RANBP2: variants seen among roughly 807,000 people sequenced by gnomAD.
RANBP2 encodes the protein RAN binding protein 2.
RANBP2 carries 57 observed loss-of-function variants against 303.6 expected under a neutral mutation model. That is an observed-to-expected ratio of 0.19 (90% CI 0.15 to 0.23). The LOEUF is 0.23. Ranked by LOEUF, RANBP2 falls within the 10% of genes least tolerant of loss-of-function variation. RANBP2 has a pLI of 1.00. For missense variants in RANBP2, 3,138 were observed against 3,780.8 expected (o/e 0.83, Z 4.46); for synonymous variants, 1,167 against 1,301.5 (o/e 0.90, Z 2.23).
chr2:109,297,784 C>T, the RANBP2 span, among the ~76,000 whole-genome samples: 4 of 152,004 alleles, frequency 2.6e-5, no homozygotes, highest in African/African-American at 7.3e-5. Flanking sequence ...AGTCATTGCC[C>T]CCAACTAGGT....
intron 14 of RANBP2, 127 bp downstream of exon 14, chr2:108,753,690 T>C: frequency 3.1e-5 from 49 of 1,579,752 alleles, no homozygotes; most frequent in Non-Finnish European, 4.2e-5. Context: ...CAACCTCTGC[T>C]TCCCAGGCTC....
At chr2:109,142,937 C>T in the RANBP2 span, among the ~76,000 whole-genome samples, 1,470 of 152,210 alleles carry the variant, frequency 9.7e-3, 22 homozygotes, top group African/African-American at 0.033. Context: ...CTGACAGATA[C>T]AGCACATGGG....
At chr2:109,541,514 T>C in the RANBP2 span, among the ~76,000 whole-genome samples, 2 of 152,186 alleles carry the variant, frequency 1.3e-5, no homozygotes, top group African/African-American at 4.8e-5. Context: ...CACCTAACCT[T>C]GTGAGGCCAA....
chr2:108,790,134 C>A (rs995119945), downstream of RANBP2, among the ~76,000 whole-genome samples: 4 of 151,940 alleles, frequency 2.6e-5, no homozygotes, highest in Non-Finnish European at 5.9e-5. Flanking sequence ...AATAAGTACT[C>A]AAATGTTACC....
the RANBP2 span, among the ~76,000 whole-genome samples, chr2:109,664,237 A>C: frequency 2.6e-5 from 4 of 152,238 alleles, no homozygotes; most frequent in African/African-American, 9.6e-5. Flanking sequence ...AATTCAAACA[A>C]CAATATGAAT....
the RANBP2 span, among the ~76,000 whole-genome samples, chr2:108,909,609 A>T: frequency 6.6e-6 from 1 of 152,186 alleles, no homozygotes; most frequent in African/African-American, 2.4e-5. Context: ...TGTCGGGCAG[A>T]GGCCTGGCAG....
At chr2:109,194,974 G>A in the RANBP2 span, among the ~76,000 whole-genome samples, 2 of 152,226 alleles carry the variant, frequency 1.3e-5, no homozygotes, top group African/African-American at 4.8e-5. Flanking sequence ...CCAACTCCAG[G>A]ATCCTTTTTT....
rs756532502 is a variant in RANBP2, at chr2:108,771,775, G to A, written c.7924G>A (p.Ala2642Thr). 29 of 1,613,826 alleles carry A rather than the reference G, an allele frequency of 1.8e-5. No homozygotes were observed. The highest frequency in any genetic ancestry group is 1.1e-4 in the East Asian group (5 of 44,880). Residue 2642 changes from alanine (A) to threonine (T), a missense_variant, in exon 21 of 29, where the codon GCT becomes ACT. Coordinates refer to ENST00000283195, the MANE Select transcript of RANBP2 (RefSeq NM_006267.5). The part of the protein sequence containing the change: ...VLIVYELTPT[A>T]EQKALATKLK... Reference sequence around the variant, plus strand: ...CATTGTATATGAACTAACTCCAACCGCTGAGCAGAAAGCCCTTGCAACCAA... The same window carrying A: ...CATTGTATATGAACTAACTCCAACCACTGAGCAGAAAGCCCTTGCAACCAA...
At chr2:109,323,264 G>A in the RANBP2 span, among the ~76,000 whole-genome samples, 97 of 152,340 alleles carry the variant, frequency 6.4e-4, no homozygotes, top group Middle Eastern at 3.4e-3. Context: ...GTCATTGGGT[G>A]TATAGCAGGC....
the RANBP2 span, among the ~76,000 whole-genome samples, chr2:109,012,615 AAT>A: frequency 7.4e-6 from 1 of 135,050 alleles, no homozygotes; most frequent in African/African-American, 2.9e-5. Flanking sequence ...TAGAAAAAAA[AAT>A]TTTTAAACTT....
At chr2:108,797,257 C>T in the RANBP2 span, among the ~76,000 whole-genome samples, 1 of 151,992 alleles carries the variant, frequency 6.6e-6, no homozygotes, top group Non-Finnish European at 1.5e-5. Flanking sequence ...TATAAAGGAG[C>T]CTGAGAAGCC....
chr2:108,729,438 A>G (rs1226161661), intron 2 of RANBP2, among the ~76,000 whole-genome samples: 1 of 152,230 alleles, frequency 6.6e-6, no homozygotes, highest in Admixed American at 6.5e-5. Flanking sequence ...TTTGGCTTCA[A>G]ATACTTTTTC....
the RANBP2 span, among the ~76,000 whole-genome samples, chr2:108,842,202 G>GT: frequency 6.0e-4 from 86 of 142,170 alleles, no homozygotes; most frequent in African/African-American, 8.5e-4. Flanking sequence ...TAATTAAAAA[G>GT]TTTTTTTTTT....
chr2:108,964,155 T>C, the RANBP2 span, among the ~76,000 whole-genome samples: 1 of 152,196 alleles, frequency 6.6e-6, no homozygotes, highest in African/African-American at 2.4e-5. Context: ...AAGATAGTCT[T>C]TCAGATCCCT....
chr2:108,751,881 G>A lies in RANBP2; in HGVS notation c.1642G>A (p.Val548Ile), dbSNP rs1057954. The change falls in exon 12 of 29, where the codon GTA becomes ATA. Residue 548 changes from valine (V) to isoleucine (I), a missense_variant. Coordinates refer to ENST00000283195, the MANE Select transcript of RANBP2 (RefSeq NM_006267.5). ...TGAACTATTTTTTAGACCTGGAAACGTAGCAAAATTGAGACTTCTAGTTCA... is the reference window on the plus strand; with the variant it reads ...TGAACTATTTTTTAGACCTGGAAACATAGCAAAATTGAGACTTCTAGTTCA... ...LIHRKAVPGN[V>I]AKLRLLVQHE... is the part of the protein sequence containing the mutation. The A allele has an allele frequency of 6.8e-6, 11 of 1,611,730 alleles. No individual in the cohort carries two copies. Among genetic ancestry groups the A allele is most frequent in the Admixed American group, 1.7e-5 (1 of 59,978 alleles).
chr2:108,721,638 G>A (rs1436964101), intron 1 of RANBP2, among the ~76,000 whole-genome samples: 1 of 151,980 alleles, frequency 6.6e-6, no homozygotes, highest in African/African-American at 2.4e-5. Context: ...GTAGAGACTG[G>A]GTTTCACCAT....
chr2:108,812,771 C>T, the RANBP2 span: 1 of 1,611,202 alleles, frequency 6.2e-7, no homozygotes, highest in Non-Finnish European at 8.5e-7. Context: ...TTTGAGTTTA[C>T]TCATTTAGAT....
chr2:109,685,603 C>T, the RANBP2 span, among the ~76,000 whole-genome samples: 24 of 152,238 alleles, frequency 1.6e-4, no homozygotes, highest in African/African-American at 4.1e-4. Flanking sequence ...GCCCCCTGCA[C>T]GGCCTGGTGG....
chr2:108,763,869 A>C lies in RANBP2; in HGVS notation c.3330A>C (p.Ser1110=), dbSNP rs1271001325. 3 of 1,613,908 alleles carry C rather than the reference A, an allele frequency of 1.9e-6. No individual in the cohort carries two copies. The highest frequency in any genetic ancestry group is 2.5e-6 in the Non-Finnish European group (3 of 1,179,998). ...NFGSKNVSGI[S]FTENMGSSQQ... ...GAAGCAAAAATGTGTCTGGAATTTC[A>C]TTTACAGAAAACATGGGGTCGAGTC... is the stretch of plus-strand genomic sequence containing the variant. The change falls in exon 20 of 29, where the codon TCA becomes TCC. Residue 1110 remains serine (S), a synonymous_variant. Coordinates refer to ENST00000283195, the MANE Select transcript of RANBP2 (RefSeq NM_006267.5).
Sources: allele counts gnomAD v4.1 joint callset (sites outside exome capture counted in the v4.1 genomes callset), GRCh38; gene constraint gnomAD v4.1.1; transcripts MANE v1.5; gene names NCBI Gene and HGNC (gene_info 2026-07-23, HGNC 2026-07-21).